The following ATM variants were observed in gnomAD, a reference collection of about 807,000 sequenced individuals.
ATM encodes the protein serine-protein kinase ATM.
Under a neutral mutation model 387.0 loss-of-function variants are expected in ATM, and 308 were observed. The ratio of observed to expected loss-of-function variants is 0.80; its 90% CI spans 0.73 to 0.87. The LOEUF (loss-of-function observed/expected upper bound fraction) is 0.87. ATM is among the 40% of genes least tolerant of loss of function. ATM has a pLI of 0.00. For missense variants in ATM, 3,312 were observed against 3,560.9 expected (o/e 0.93, Z 1.78); for synonymous variants, 1,156 against 1,187.3 (o/e 0.97, Z 0.54).
chr11:108,330,445 T>A (rs769672312), intron 50 of ATM, 24 bp downstream of exon 50: 3 of 1,611,738 alleles, frequency 1.9e-6, no homozygotes, highest in Admixed American at 3.3e-5. Context: ...AGCCCAATAT[T>A]CTACCCTGTG....
intron 58 of ATM, chr11:108,346,496 G>A (rs990291858): frequency 2.0e-5 from 3 of 147,094 alleles, no homozygotes; most frequent in African/African-American, 7.5e-5. Flanking sequence ...TAATCTATTT[G>A]TTGTTTTTTT....
chr11:108,233,824 G>T (rs2079138045), intron 4 of ATM, among the ~76,000 whole-genome samples: 1 of 151,926 alleles, frequency 6.6e-6, no homozygotes, highest in Non-Finnish European at 1.5e-5. Context: ...TCCAGCTTGG[G>T]TGACAGAGCG....
chr11:108,358,030 T>G (rs188445985), intron 61 of ATM, among the ~76,000 whole-genome samples: 1,398 of 129,718 alleles, frequency 0.011, 2 homozygotes, highest in Middle Eastern at 0.019. Flanking sequence ...CAAAGGCAAA[T>G]AAGTTGACAA....
intron 61 of ATM, among the ~76,000 whole-genome samples, chr11:108,356,876 GA>G (rs2090001595): frequency 6.6e-6 from 1 of 152,182 alleles, no homozygotes; most frequent in Non-Finnish European, 1.5e-5. Context: ...TTTTGAGTCT[GA>G]AAAGTGATTT....
At chr11:108,361,839 A>AT (rs2090802342) in intron 61 of ATM, among the ~76,000 whole-genome samples, 1 of 152,104 alleles carries the variant, frequency 6.6e-6, no homozygotes, top group Non-Finnish European at 1.5e-5. Flanking sequence ...TAATACCATA[A>AT]AAACCCTAGA....
chr11:108,285,779 C>A (rs1214369705), intron 26 of ATM, among the ~76,000 whole-genome samples: 1 of 152,156 alleles, frequency 6.6e-6, no homozygotes, highest in Non-Finnish European at 1.5e-5. Flanking sequence ...GAAATAGGCA[C>A]TCCAGAGGTT....
At chr11:108,364,659 G>A (rs2091146194) in intron 61 of ATM, among the ~76,000 whole-genome samples, 1 of 152,176 alleles carries the variant, frequency 6.6e-6, no homozygotes, top group South Asian at 2.1e-4. Context: ...TTAGGAGTGA[G>A]GTCCAAATAG....
At chr11:108,317,149 G>T (rs2084740785) in intron 42 of ATM, among the ~76,000 whole-genome samples, 1 of 151,306 alleles carries the variant, frequency 6.6e-6, no homozygotes, top group Admixed American at 6.6e-5. Context: ...TTGTTGTCCA[G>T]GCTGGTCTCA....
chr11:108,347,626 T>TA (rs1162537879), intron 59 of ATM, among the ~76,000 whole-genome samples: 4 of 152,090 alleles, frequency 2.6e-5, no homozygotes, highest in African/African-American at 9.7e-5. Flanking sequence ...AGACAGAAGA[T>TA]AGAGCAGATT....
chr11:108,310,786 TAA>T (rs1020716241), intron 39 of ATM, among the ~76,000 whole-genome samples: 94 of 152,256 alleles, frequency 6.2e-4, no homozygotes, highest in African/African-American at 2.1e-3. Flanking sequence ...TGTGACTAAT[TAA>T]GTTTCATTTC....
chr11:108,308,830 C>T, intron 38 of ATM: 1 of 568,414 alleles, frequency 1.8e-6, no homozygotes, highest in East Asian at 2.9e-5. Context: ...TTTTCAGTGT[C>T]TTTGCTTCTG....
chr11:108,249,133 C>A (rs2135297272), intron 9 of ATM, 31 bp downstream of exon 9: 2 of 1,610,424 alleles, frequency 1.2e-6, no homozygotes, highest in South Asian at 2.2e-5. Flanking sequence ...CATTCAGTGT[C>A]ATTTTAATCT....
At chr11:108,357,581 C>A (rs1199304867) in intron 61 of ATM, among the ~76,000 whole-genome samples, 2 of 152,200 alleles carry the variant, frequency 1.3e-5, no homozygotes, top group African/African-American at 2.4e-5. Context: ...GTTCTCCCAG[C>A]ACGCAGCTGG....
intron 56 of ATM, among the ~76,000 whole-genome samples, chr11:108,337,661 A>T (rs1244446525): frequency 6.6e-6 from 1 of 152,120 alleles, no homozygotes; most frequent in African/African-American, 2.4e-5. Flanking sequence ...ACTTCATTTT[A>T]GAACAAAGTT....
Position 108,291,234 on chromosome 11 carries a change from T to G in ATM, c.4437-1385T>G, listed in dbSNP as rs1239115034. Among the ~76,000 whole-genome samples, 6 of 152,164 alleles carry G rather than the reference T, an allele frequency of 3.9e-5. No individual in the cohort carries two copies. In the East Asian group the frequency reaches 1.2e-3, roughly 29 times the overall value. ...CTGGGCGACAGAGCAAGACTCCGTC[T>G]CAAGAAAAGAAAGAAAAAACAAAAA... On this transcript the variant is annotated intron_variant, in intron 29 of 62. Coordinates refer to ENST00000675843, the MANE Select transcript of ATM (RefSeq NM_000051.4).
intron 56 of ATM, among the ~76,000 whole-genome samples, chr11:108,340,651 T>TA (rs1474614370): frequency 6.6e-6 from 1 of 152,214 alleles, no homozygotes; most frequent in Non-Finnish European, 1.5e-5. Context: ...CAAAGCTAGT[T>TA]TTATTAATAA....
rs1555114732 is a variant in ATM at position 108,317,459 on chromosome 11, A to G, written c.6285A>G (p.Leu2095=). ...AAAATAAAGACTGGTGTCCTGAACT[A>G]GAAGAACTTCATTACCAAGCAGCAT... ...DYENKDWCPE[L]EELHYQAAWR... Residue 2095 remains leucine (L), a synonymous_variant, in exon 43 of 63, where the codon CTA becomes CTG. Transcript: ENST00000675843. The G allele has an allele frequency of 6.2e-7, 1 of 1,612,722 alleles. No homozygotes were observed. Among genetic ancestry groups the G allele is most frequent in the East Asian group, 2.2e-5 (1 of 44,804 alleles).
Position 108,345,810 on chromosome 11 carries a change from C to T in ATM, c.8486C>T (p.Pro2829Leu), listed in dbSNP as rs938431501. The T allele has an allele frequency of 1.2e-6, 2 of 1,613,814 alleles. No homozygotes were observed. Among genetic ancestry groups the T allele is most frequent in the Admixed American group, 1.7e-5 (1 of 60,002 alleles). Residue 2829 changes from proline (P) to leucine (L), a missense_variant, in exon 58 of 63, where the codon CCA (proline) becomes CTA (leucine). Pro to Leu is a moderately conservative substitution (Grantham distance 98, BLOSUM62 -3). Around this residue, in one of 4 missense-constraint regions of ATM, gnomAD observed 1,405 missense variants for 1,604.4 expected, o/e 0.88. Coordinates refer to ENST00000675843, the MANE Select transcript of ATM (RefSeq NM_000051.4). ...VFMDVCQNFQ[P>L]VFRYFCMEKF... is the part of the protein sequence containing the mutation. ...ATGGATGTTTGCCAAAATTTTCAAC[C>T]AGTTTTCCGTTACTTCTGCATGGAA...
At chr11:108,278,528 G>A (rs1177084465) in intron 22 of ATM, among the ~76,000 whole-genome samples, 2 of 152,040 alleles carry the variant, frequency 1.3e-5, no homozygotes, top group East Asian at 3.8e-4. Flanking sequence ...TGCTATAAAG[G>A]AATACCTGAG....
Sources: allele counts gnomAD v4.1 joint callset (sites outside exome capture counted in the v4.1 genomes callset), GRCh38; gene constraint gnomAD v4.1.1; regional missense constraint gnomAD v4.1.1; transcripts MANE v1.5; gene names NCBI Gene and HGNC (gene_info 2026-07-23, HGNC 2026-07-21).